Variants in SMURF1 observed in about 807,000 individuals in gnomAD.
The protein encoded by SMURF1 is SMAD specific E3 ubiquitin protein ligase 1, also known as E3 ubiquitin-protein ligase SMURF1.
Under a neutral mutation model 98.0 loss-of-function variants are expected in SMURF1, and 44 were observed. The ratio of observed to expected loss-of-function variants is 0.45; its 90% CI spans 0.35 to 0.58. The LOEUF is 0.58. SMURF1 is among the 20% of genes least tolerant of loss of function. SMURF1 has a pLI of 0.00. For synonymous variants in SMURF1, 396 were observed against 374.9 expected (o/e 1.06, Z -0.65); for missense variants, 687 against 938.4 (o/e 0.73, Z 3.50).
intron 1 of SMURF1, among the ~76,000 whole-genome samples, chr7:99,093,506 CA>C (rs1163754820): frequency 1.4e-5 from 2 of 138,614 alleles, no homozygotes; most frequent in East Asian, 4.2e-4. Flanking sequence ...TGCAACAAAG[CA>C]ACCACTCTAT....
intron 1 of SMURF1, among the ~76,000 whole-genome samples, chr7:99,070,837 G>A (rs944577666): frequency 2.6e-5 from 4 of 152,046 alleles, no homozygotes; most frequent in Non-Finnish European, 5.9e-5. Context: ...CAACTGTTTT[G>A]CAAGCGCCAC....
At chr7:99,142,948 C>A (rs1196650371) in intron 1 of SMURF1, among the ~76,000 whole-genome samples, 1 of 101,298 alleles carries the variant, frequency 9.9e-6, no homozygotes, top group Admixed American at 1.1e-4. Flanking sequence ...GTAAAAACGG[C>A]GGAGGAGAAA....
chr7:99,077,589 C>T (rs988869048), intron 1 of SMURF1, among the ~76,000 whole-genome samples: 2 of 152,104 alleles, frequency 1.3e-5, no homozygotes, highest in Admixed American at 6.5e-5. Context: ...GCCTCAGCCT[C>T]CCAAAGTGCT....
intron 1 of SMURF1, among the ~76,000 whole-genome samples, chr7:99,119,003 ATTTTTTTTTTTTTTTTTTTTT>A (rs67705340): frequency 4.0e-4 from 17 of 42,930 alleles, no homozygotes; most frequent in East Asian, 3.2e-3. Flanking sequence ...TAACATGCCA[ATTTTTTTTTTTTTTTTTTTTT>A]TTTTTTTTTT....
intron 1 of SMURF1, among the ~76,000 whole-genome samples, chr7:99,079,301 G>A (rs1796531619): frequency 6.6e-6 from 1 of 152,206 alleles, no homozygotes; most frequent in Admixed American, 6.5e-5. Context: ...CTGGGACACA[G>A]GGCCATGTTC....
At chr7:99,066,000 C>T (rs980639373) in intron 1 of SMURF1, among the ~76,000 whole-genome samples, 6 of 151,200 alleles carry the variant, frequency 4.0e-5, no homozygotes, top group East Asian at 1.9e-4. Context: ...GAACTGAGAT[C>T]GCGCCACTGT....
At chr7:99,092,818 G>GTT (rs1796844954) in intron 1 of SMURF1, among the ~76,000 whole-genome samples, 1 of 152,128 alleles carries the variant, frequency 6.6e-6, no homozygotes, top group Admixed American at 6.5e-5. Context: ...ATAAAACAAG[G>GTT]TTACATATTA....
chr7:99,055,977 GAAT>G (rs1274789339), intron 5 of SMURF1, among the ~76,000 whole-genome samples: 3 of 151,982 alleles, frequency 2.0e-5, no homozygotes, highest in African/African-American at 7.2e-5. Flanking sequence ...AAAAAAAAAT[GAAT>G]AAAGACACAG....
intron 1 of SMURF1, among the ~76,000 whole-genome samples, chr7:99,079,144 G>A (rs925720): frequency 0.65 from 99,400 of 152,188 alleles, 32,636 homozygotes; most frequent in African/African-American, 0.73. Context: ...GAGGCCCAGA[G>A]GAGGCCACTA....
At chr7:99,067,865 A>G (rs1391916369) in intron 1 of SMURF1, among the ~76,000 whole-genome samples, 1 of 152,066 alleles carries the variant, frequency 6.6e-6, no homozygotes, top group African/African-American at 2.4e-5. Context: ...GAGCCAGGAA[A>G]ATTGCTTGAA....
intron 1 of SMURF1, among the ~76,000 whole-genome samples, chr7:99,076,475 TC>T (rs1350047586): frequency 6.6e-6 from 1 of 152,128 alleles, no homozygotes; most frequent in Non-Finnish European, 1.5e-5. Flanking sequence ...ATCAAACACT[TC>T]CAGTGGAGGA....
intron 8 of SMURF1, chr7:99,050,889 TG>T: frequency 3.7e-6 from 4 of 1,068,022 alleles, no homozygotes; most frequent in Non-Finnish European, 4.9e-6. Flanking sequence ...AACTCTGTTA[TG>T]GGGTGGGGGG....
chr7:99,064,714 TTTC>T (rs1796144942), intron 1 of SMURF1, among the ~76,000 whole-genome samples: 1 of 152,230 alleles, frequency 6.6e-6, no homozygotes, highest in Non-Finnish European at 1.5e-5. Context: ...AATAGTAATA[TTTC>T]TTCTTCAGAG....
intron 1 of SMURF1, among the ~76,000 whole-genome samples, chr7:99,064,822 A>C (rs1796148237): frequency 6.6e-6 from 1 of 152,050 alleles, no homozygotes; most frequent in Non-Finnish European, 1.5e-5. Context: ...ATTTCTTGTT[A>C]CTCTAATTAC....
chr7:99,080,145 A>G (rs1042596607), intron 1 of SMURF1, among the ~76,000 whole-genome samples: 6 of 152,228 alleles, frequency 3.9e-5, no homozygotes, highest in African/African-American at 1.2e-4. Flanking sequence ...CCAACTTTAA[A>G]CCAATAGCTA....
chr7:99,070,272 C>T (rs1182385249), intron 1 of SMURF1, among the ~76,000 whole-genome samples: 1 of 152,164 alleles, frequency 6.6e-6, no homozygotes, highest in Non-Finnish European at 1.5e-5. Context: ...CCCACGGGTT[C>T]CCTGCCAGCA....
chr7:99,060,398 GAAAA>G (rs1465523738), intron 3 of SMURF1, among the ~76,000 whole-genome samples, 197 bp downstream of exon 3: 17 of 136,002 alleles, frequency 1.2e-4, no homozygotes, highest in South Asian at 1.2e-3. Flanking sequence ...AAAAAAAAAA[GAAAA>G]AAGAAAGTAA....
intron 1 of SMURF1, among the ~76,000 whole-genome samples, chr7:99,070,628 T>G (rs1464458646): frequency 2.7e-5 from 4 of 150,920 alleles, no homozygotes; most frequent in Non-Finnish European, 5.9e-5. Flanking sequence ...AACATATTTG[T>G]TAAATGGTAT....
chr7:99,059,434 A>AAAAAAAAAT (rs1795977189), intron 3 of SMURF1, among the ~76,000 whole-genome samples: 6 of 148,388 alleles, frequency 4.0e-5, no homozygotes, highest in African/African-American at 1.5e-4. Context: ...AAATAAAATA[A>AAAAAAAAAT]AATAAAATAA....
Sources: allele counts gnomAD v4.1 joint callset (sites outside exome capture counted in the v4.1 genomes callset), GRCh38; gene constraint gnomAD v4.1.1; transcripts MANE v1.5; gene names NCBI Gene and HGNC (gene_info 2026-07-23, HGNC 2026-07-21).